The following PLD5 variants were observed in gnomAD, a reference collection of about 807,000 sequenced individuals.
PLD5 encodes inactive phospholipase D5.
PLD5 carries 36 observed loss-of-function variants against 61.1 expected under a neutral mutation model. The ratio of observed to expected loss-of-function variants is 0.59; its 90% CI spans 0.45 to 0.78. The LOEUF is 0.78. PLD5 is among the 30% of genes least tolerant of loss of function. The pLI, the probability that PLD5 is intolerant of heterozygous loss-of-function variation, is 0.00. For missense variants in PLD5, 515 were observed against 644.4 expected, an observed-to-expected ratio of 0.80 and a Z score of 2.17; for synonymous variants, 243 against 242.8, an observed-to-expected ratio of 1.00 and a Z score of -0.01.
At chr1:242,247,038 C>A (rs959775245) in intron 4 of PLD5, among the ~76,000 whole-genome samples, 52 of 146,878 alleles carry the variant, frequency 3.5e-4, no homozygotes, top group African/African-American at 1.3e-3. Flanking sequence ...GGCTGGAGTG[C>A]AGTGGCGCGA....
At chr1:242,292,416 A>G (rs1675421006) in intron 2 of PLD5, among the ~76,000 whole-genome samples, 1 of 152,202 alleles carries the variant, frequency 6.6e-6, no homozygotes, top group South Asian at 2.1e-4. Flanking sequence ...AGATAAACCA[A>G]ACATATGAGG....
chr1:242,294,629 C>A (rs1272850583), intron 2 of PLD5, among the ~76,000 whole-genome samples: 1 of 152,114 alleles, frequency 6.6e-6, no homozygotes, highest in East Asian at 1.9e-4. Context: ...AGCTGTGTGA[C>A]CTTCAACAAA....
intron 7 of PLD5, 87 bp downstream of exon 7, chr1:242,113,803 A>G (rs1661730305): frequency 5.5e-6 from 8 of 1,462,704 alleles, no homozygotes; most frequent in Non-Finnish European, 6.4e-6. Context: ...TGGCATCTCC[A>G]TTTCCAGGCT....
intron 1 of PLD5, among the ~76,000 whole-genome samples, chr1:242,490,116 A>G (rs1016894182): frequency 6.6e-6 from 1 of 152,228 alleles, no homozygotes; most frequent in Admixed American, 6.5e-5. Context: ...TGTGATATCC[A>G]TGAGTTCTGA....
intron 1 of PLD5, among the ~76,000 whole-genome samples, chr1:242,510,187 C>T (rs2102999815): frequency 6.6e-6 from 1 of 152,116 alleles, no homozygotes; most frequent in East Asian, 1.9e-4. Context: ...GACCCCTTTC[C>T]CGCACGCAGG....
At chr1:242,357,921 T>C (rs1415865237) in intron 1 of PLD5, among the ~76,000 whole-genome samples, 2 of 152,174 alleles carry the variant, frequency 1.3e-5, no homozygotes, top group African/African-American at 2.4e-5. Flanking sequence ...TCATACTTTA[T>C]TCTTTTTCTT....
Position 242,494,878 on chromosome 1 carries a change from CTGTT to C in PLD5, c.189+29206_189+29209del. On this transcript the variant is annotated intron_variant, in intron 1 of 9. Transcript: ENST00000536534. ...ACAACCCCCAATTTTTTTTTCTTTT[CTGTT>C]TTTTTTTTTTTGCTGTTTTGTCCTG... 1.5e-5 allele frequency among the ~76,000 whole-genome samples: 2 copies of C among 135,916 alleles called. 1 individual carries two copies. The highest frequency in any genetic ancestry group is 4.7e-4 in the South Asian group (2 of 4,286). 89.2% of individuals were successfully genotyped at this position (135,916 alleles called of 152,430 possible). A position where few individuals can be genotyped will look rare whatever the true frequency, so the allele number is the denominator to read the frequency against.
At chr1:242,194,606 G>GTATCTATCTATCTATCTATC (rs61470956) in intron 5 of PLD5, among the ~76,000 whole-genome samples, 1 of 123,574 alleles carries the variant, frequency 8.1e-6, no homozygotes. Flanking sequence ...ATCTATCTAT[G>GTATCTATCTATCTATCTATC]TATCTATCTA....
chr1:242,302,553 C>T (rs1676119425), intron 2 of PLD5, among the ~76,000 whole-genome samples: 1 of 151,790 alleles, frequency 6.6e-6, no homozygotes, highest in Non-Finnish European at 1.5e-5. Context: ...CCTGTCTCTA[C>T]CAAAAAACTT....
chr1:242,116,795 T>C (rs1661980320), intron 6 of PLD5, among the ~76,000 whole-genome samples: 1 of 152,218 alleles, frequency 6.6e-6, no homozygotes, highest in Non-Finnish European at 1.5e-5. Flanking sequence ...GTACCATATT[T>C]TCTTTACAGG....
At chr1:242,178,894 G>A (rs1667342792) in intron 5 of PLD5, among the ~76,000 whole-genome samples, 3 of 152,236 alleles carry the variant, frequency 2.0e-5, no homozygotes, top group Non-Finnish European at 4.4e-5. Flanking sequence ...GCTGTGGGAC[G>A]GAAAACAATT....
intron 4 of PLD5, among the ~76,000 whole-genome samples, chr1:242,238,612 A>C (rs1279340770): frequency 6.6e-6 from 1 of 152,248 alleles, no homozygotes; most frequent in Non-Finnish European, 1.5e-5. Context: ...AAACTTAATT[A>C]CTGGAAGTAT....
chr1:242,094,518 G>C (rs1475489336), intron 9 of PLD5, among the ~76,000 whole-genome samples: 1 of 152,134 alleles, frequency 6.6e-6, no homozygotes, highest in Non-Finnish European at 1.5e-5. Context: ...TGACTTAGGA[G>C]ATCAGAACAT....
chr1:242,450,026 T>C (rs1171801188), intron 1 of PLD5, among the ~76,000 whole-genome samples: 1 of 152,220 alleles, frequency 6.6e-6, no homozygotes, highest in Non-Finnish European at 1.5e-5. Context: ...TTGAAGAGTA[T>C]AATCAAAGTT....
chr1:242,430,734 C>A (rs1360726571), intron 1 of PLD5, among the ~76,000 whole-genome samples: 1 of 152,160 alleles, frequency 6.6e-6, no homozygotes, highest in East Asian at 1.9e-4. Flanking sequence ...TGCAGCCCAA[C>A]CCTCAATTGG....
At chr1:242,216,575 T>G (rs7551443) in intron 5 of PLD5, among the ~76,000 whole-genome samples, 56,315 of 152,048 alleles carry the variant, frequency 0.37, 10,764 homozygotes, top group Middle Eastern at 0.49. Flanking sequence ...CCCTCTAGTG[T>G]TGTTTACTCA....
intron 5 of PLD5, among the ~76,000 whole-genome samples, chr1:242,153,878 A>T (rs1665135969): frequency 6.6e-6 from 1 of 152,090 alleles, no homozygotes; most frequent in South Asian, 2.1e-4. Context: ...AGTTTTTTCC[A>T]ATTTGGTGAA....
chr1:242,263,127 C>G (rs1161750016), intron 4 of PLD5, among the ~76,000 whole-genome samples: 1 of 152,194 alleles, frequency 6.6e-6, no homozygotes, highest in Non-Finnish European at 1.5e-5. Flanking sequence ...AGCTGTCTCA[C>G]TTCTCCAGCC....
At chr1:242,514,898 T>C (rs79907268) in intron 1 of PLD5, among the ~76,000 whole-genome samples, 7,905 of 152,148 alleles carry the variant, frequency 0.052, 301 homozygotes, top group Non-Finnish European at 0.08. Context: ...AAGACCTCCA[T>C]GGGTTAGAGA....
Sources: gnomAD v4.1 joint callset for allele counts (sites outside exome capture counted in the v4.1 genomes callset) on GRCh38, gnomAD v4.1.1 for gene constraint, MANE v1.5 for transcripts, NCBI Gene and HGNC (gene_info 2026-07-23, HGNC 2026-07-21) for gene names.